CIROP: variants seen among roughly 807,000 people sequenced by gnomAD.
CIROP encodes leishmanolysin homolog.
the CIROP span, chr14:23,103,872 G>T: frequency 1.5e-6 from 1 of 681,704 alleles, no homozygotes; most frequent in South Asian, 1.5e-5. Context: ...GTAGGAAATT[G>T]GGTATGAGGA....
At chr14:23,100,500 A>G in the CIROP span, 1 of 413,480 alleles carries the variant, frequency 2.4e-6, no homozygotes, top group African/African-American at 2.1e-5. Flanking sequence ...GGAATATCTT[A>G]CTTGCTGGGT....
At chr14:23,102,424 T>C in the CIROP span, 1 of 702,868 alleles carries the variant, frequency 1.4e-6, no homozygotes, top group Non-Finnish European at 2.6e-6. Context: ...GCTGGGGTGG[T>C]GAGAAGCAGT....
At chr14:23,102,504 G>A in the CIROP span, 1 of 699,882 alleles carries the variant, frequency 1.4e-6, no homozygotes, top group Admixed American at 2.0e-5. Flanking sequence ...AGAAAGGGAA[G>A]AAGGCAGTAC....
At chr14:23,103,561 G>GCAAAACAAAA in the CIROP span, 833 of 463,242 alleles carry the variant, frequency 1.8e-3, 7 homozygotes, top group East Asian at 5.9e-3. Flanking sequence ...GAAAACAAAA[G>GCAAAACAAAA]CAAAATAAAA....
the CIROP span, chr14:23,103,592 C>CAAAA: frequency 6.3e-6 from 4 of 633,008 alleles, no homozygotes; most frequent in African/African-American, 3.7e-5. Flanking sequence ...CAAAACAAAA[C>CAAAA]TGCTTTTATG....
chr14:23,103,962 CCAGTCT>C, the CIROP span: 1 of 589,808 alleles, frequency 1.7e-6, no homozygotes, highest in Non-Finnish European at 3.0e-6. Flanking sequence ...CCCTTCACCC[CCAGTCT>C]CTGATTTAAT....
At chr14:23,102,723 A>G in the CIROP span, 1 of 703,020 alleles carries the variant, frequency 1.4e-6, no homozygotes, top group Non-Finnish European at 2.6e-6. Context: ...CCTAAGGACA[A>G]ATGACAGCCC....
the CIROP span, chr14:23,103,951 C>A: frequency 1.7e-6 from 1 of 593,850 alleles, no homozygotes; most frequent in Non-Finnish European, 3.0e-6. Flanking sequence ...TAGAGTTCTG[C>A]CCCTTCACCC....
the CIROP span, chr14:23,103,706 C>T: frequency 0.01 from 7,089 of 702,966 alleles, 76 homozygotes; most frequent in Middle Eastern, 0.019. Context: ...GTGAGCAACT[C>T]GCACATACAG....
At chr14:23,103,489 G>A in the CIROP span, 1 of 558,592 alleles carries the variant, frequency 1.8e-6, no homozygotes, top group Non-Finnish European at 3.2e-6. Context: ...AGGAGGTCAA[G>A]GCTGCGGTGA....
chr14:23,104,143 G>A, the CIROP span: 2 of 594,808 alleles, frequency 3.4e-6, no homozygotes, highest in East Asian at 2.8e-5. Flanking sequence ...CTTCTTCCCT[G>A]GTGTACTTAT....
At chr14:23,099,066 C>T in the CIROP span, 2 of 375,928 alleles carry the variant, frequency 5.3e-6, no homozygotes, top group East Asian at 4.0e-5. Flanking sequence ...TGACAATTTA[C>T]AGGTTGAACA....
chr14:23,101,710 T>TG, the CIROP span: 1 of 702,864 alleles, frequency 1.4e-6, no homozygotes, highest in Non-Finnish European at 2.6e-6. Flanking sequence ...CCTTCCAGCA[T>TG]GGGGTCTGAG....
the CIROP span, chr14:23,104,552 C>T: frequency 1.4e-6 from 1 of 700,678 alleles, no homozygotes; most frequent in Non-Finnish European, 2.6e-6. Flanking sequence ...CTCCCCTGGA[C>T]CTCTCTGCTC....
the CIROP span, chr14:23,103,905 GGTCT>G: frequency 9.4e-6 from 6 of 637,954 alleles, no homozygotes; most frequent in Non-Finnish European, 1.7e-5. Context: ...GAATCTCTTT[GGTCT>G]GTCTTTGTGT....
chr14:23,102,935 G>A, the CIROP span: 3 of 599,256 alleles, frequency 5.0e-6, no homozygotes, highest in Non-Finnish European at 8.9e-6. Flanking sequence ...CCATGACGAT[G>A]TCACTGTGGC....
At chr14:23,104,438 A>G in the CIROP span, 1 of 703,024 alleles carries the variant, frequency 1.4e-6, no homozygotes, top group South Asian at 1.5e-5. Context: ...AATACTGTGC[A>G]GGGTCTCGAC....
chr14:23,099,434 C>G, the CIROP span: 1 of 413,438 alleles, frequency 2.4e-6, no homozygotes, highest in Non-Finnish European at 4.4e-6. Flanking sequence ...AGGCAGAGTC[C>G]CATGGACAGC....
At chr14:23,101,797 A>G in the CIROP span, 2 of 702,766 alleles carry the variant, frequency 2.8e-6, no homozygotes, top group Admixed American at 4.0e-5. Context: ...GTGACACTAG[A>G]ATCACTGGCA....
Sources: gnomAD v4.1 joint callset for allele counts on GRCh38, gnomAD v4.1.1 for gene constraint, MANE v1.5 for transcripts, NCBI Gene and HGNC (gene_info 2026-07-23, HGNC 2026-07-21) for gene names.